AKT3: variants seen among roughly 807,000 people sequenced by gnomAD.
The protein encoded by AKT3 is AKT serine/threonine kinase 3.
A neutral mutation model predicts 65.3 loss-of-function variants in AKT3; 15 were observed. That is an observed-to-expected ratio of 0.23 (90% confidence interval 0.15 to 0.35). The LOEUF (loss-of-function observed/expected upper bound fraction) is 0.35. Among genes scored for constraint, AKT3 ranks in the 10% least tolerant of loss-of-function variants. AKT3 has a pLI of 1.00. For synonymous variants in AKT3, 206 were observed against 183.8 expected (o/e 1.12, Z -0.98); for missense variants, 243 against 576.5 (o/e 0.42, Z 5.92).
intron 2 of AKT3, among the ~76,000 whole-genome samples, chr1:243,712,991 T>C (rs1296193567): frequency 3.3e-5 from 5 of 152,326 alleles, no homozygotes; most frequent in African/African-American, 4.8e-5. Flanking sequence ...CAGGTTACTA[T>C]ATAACTTTGT....
At chr1:243,817,889 C>G (rs2148414921) in intron 2 of AKT3, among the ~76,000 whole-genome samples, 1 of 152,334 alleles carries the variant, frequency 6.6e-6, no homozygotes, top group African/African-American at 2.4e-5. Flanking sequence ...TGAATTAACT[C>G]AGGCATGGAA....
At chr1:243,571,090 C>A (rs1053321048) in intron 9 of AKT3, among the ~76,000 whole-genome samples, 1 of 152,136 alleles carries the variant, frequency 6.6e-6, no homozygotes, top group Non-Finnish European at 1.5e-5. Context: ...AAGGTCGAGG[C>A]AGGCGGTCAC....
At chr1:243,705,705 G>A (rs1685753896) in intron 2 of AKT3, among the ~76,000 whole-genome samples, 2 of 152,126 alleles carry the variant, frequency 1.3e-5, no homozygotes, top group Admixed American at 6.6e-5. Context: ...ATTTAATGAA[G>A]AATAAACGGT....
intron 9 of AKT3, among the ~76,000 whole-genome samples, chr1:243,564,909 C>G (rs1168271557): frequency 1.3e-5 from 2 of 151,728 alleles, no homozygotes; most frequent in Non-Finnish European, 2.9e-5. Context: ...TACCTGGACT[C>G]TGAAGTTAAT....
rs1669460038 is a variant in AKT3 at position 243,503,412 on chromosome 1, C to T, written c.*1837G>A. On this transcript the variant is annotated 3_prime_UTR_variant, in exon 14 of 14. Transcript: ENST00000673466. ...CACTTGCTCTTTCATACAATGCAATCATAATACTACGTCATGCTGTAGTCT... is the reference window on the plus strand; with the variant it reads ...CACTTGCTCTTTCATACAATGCAATTATAATACTACGTCATGCTGTAGTCT... 4.3e-6 allele frequency: 1 copy of T among 233,532 alleles called. No individual in the cohort carries two copies. Among genetic ancestry groups the T allele is most frequent in the East Asian group, 6.0e-5 (1 of 16,560 alleles). 14.5% of individuals were successfully genotyped at this position (233,532 alleles called of 1,614,324 possible). A position where few individuals can be genotyped will look rare whatever the true frequency, so the allele number is the denominator to read the frequency against.
chr1:243,684,037 C>A (rs575196977), intron 3 of AKT3, among the ~76,000 whole-genome samples: 2 of 152,112 alleles, frequency 1.3e-5, no homozygotes, highest in Non-Finnish European at 2.9e-5. Flanking sequence ...TTGGTCTATA[C>A]CCCGTTCCCC....
intron 2 of AKT3, among the ~76,000 whole-genome samples, chr1:243,803,989 G>C (rs766563531): frequency 2.0e-5 from 3 of 152,188 alleles, no homozygotes; most frequent in Non-Finnish European, 4.4e-5. Flanking sequence ...ACAGAAGCCT[G>C]CTTGAGAATG....
chr1:243,642,570 A>G (rs538726824), intron 5 of AKT3, among the ~76,000 whole-genome samples: 6 of 152,332 alleles, frequency 3.9e-5, no homozygotes, highest in East Asian at 1.9e-4. Flanking sequence ...TGGCCTCCCA[A>G]AGTGCTGGGA....
intron 2 of AKT3, among the ~76,000 whole-genome samples, chr1:243,825,829 T>C (rs1694131101): frequency 6.6e-6 from 1 of 151,952 alleles, no homozygotes; most frequent in Non-Finnish European, 1.5e-5. Context: ...CAAAACTATC[T>C]TTTTTTTAAG....
intron 7 of AKT3, among the ~76,000 whole-genome samples, chr1:243,614,766 T>TA (rs1182075714): frequency 1.3e-5 from 2 of 152,298 alleles, no homozygotes; most frequent in African/African-American, 4.8e-5. Flanking sequence ...AAGAAATTTT[T>TA]AAAAATCAGC....
At chr1:243,659,873 T>C (rs1345531762) in intron 4 of AKT3, among the ~76,000 whole-genome samples, 3 of 152,220 alleles carry the variant, frequency 2.0e-5, no homozygotes, top group African/African-American at 4.8e-5. Flanking sequence ...TCATATAGAT[T>C]CAGTTTGCCA....
At chr1:243,807,275 C>T (rs962649694) in intron 2 of AKT3, among the ~76,000 whole-genome samples, 6 of 152,196 alleles carry the variant, frequency 3.9e-5, no homozygotes, top group African/African-American at 1.4e-4. Flanking sequence ...AGGGAATTCC[C>T]TTTCCTAGCC....
chr1:243,555,653 T>C (rs1673358706), intron 10 of AKT3, among the ~76,000 whole-genome samples: 2 of 152,170 alleles, frequency 1.3e-5, no homozygotes, highest in South Asian at 4.1e-4. Flanking sequence ...ATTTATTTCA[T>C]GGTTATTGTG....
intron 2 of AKT3, among the ~76,000 whole-genome samples, chr1:243,831,999 G>C (rs1694548826): frequency 6.6e-6 from 1 of 150,974 alleles, no homozygotes; most frequent in South Asian, 2.1e-4. Flanking sequence ...AGACTAGAGA[G>C]GCCACCAACA....
At chr1:243,688,612 A>G (rs1684490938) in intron 3 of AKT3, among the ~76,000 whole-genome samples, 2 of 152,186 alleles carry the variant, frequency 1.3e-5, no homozygotes, top group African/African-American at 4.8e-5. Context: ...CTAGGATGGT[A>G]GCAGTAAGAC....
intron 6 of AKT3, among the ~76,000 whole-genome samples, chr1:243,634,665 A>G (rs1224238898): frequency 2.0e-5 from 3 of 151,970 alleles, no homozygotes; most frequent in Non-Finnish European, 1.5e-5. Context: ...GGCTATATTA[A>G]TATCAGACAA....
At chr1:243,566,211 T>C (rs1238201151) in intron 9 of AKT3, among the ~76,000 whole-genome samples, 1 of 152,226 alleles carries the variant, frequency 6.6e-6, no homozygotes, top group African/African-American at 2.4e-5. Flanking sequence ...TACGTGTGTG[T>C]AAAATTCTGA....
intron 6 of AKT3, among the ~76,000 whole-genome samples, chr1:243,622,101 C>T (rs1297080241): frequency 6.6e-6 from 1 of 152,192 alleles, no homozygotes; most frequent in East Asian, 1.9e-4. Context: ...AGCCAATATC[C>T]TTACAAACAT....
chr1:243,535,155 T>TAATTTAAAATATATTTAAA (rs1553398011), intron 12 of AKT3, among the ~76,000 whole-genome samples: 2 of 131,378 alleles, frequency 1.5e-5, no homozygotes, highest in South Asian at 4.4e-4. Context: ...TTTTAAAATA[T>TAATTTAAAATATATTTAAA]ATTTTAAAAT....
Sources: allele counts gnomAD v4.1 joint callset (sites outside exome capture counted in the v4.1 genomes callset), GRCh38; gene constraint gnomAD v4.1.1; transcripts MANE v1.5; gene names NCBI Gene and HGNC (gene_info 2026-07-23, HGNC 2026-07-21).